The following SEC61A1 variants were observed in gnomAD, a reference collection of about 807,000 sequenced individuals.
SEC61A1 encodes SEC61 translocon subunit alpha 1, also known as protein transport protein Sec61 subunit alpha isoform 1.
Under a neutral mutation model 55.2 loss-of-function variants are expected in SEC61A1, and 15 were observed. The ratio of observed to expected loss-of-function variants is 0.27; its 90% confidence interval spans 0.18 to 0.42. SEC61A1 has a LOEUF of 0.42. Ranked by LOEUF, SEC61A1 falls within the 10% of genes least tolerant of loss-of-function variation. The pLI is 1.00. For missense variants in SEC61A1, 284 were observed against 602.6 expected (o/e 0.47, Z 5.53); for synonymous variants, 247 against 234.0 (o/e 1.06, Z -0.51).
chr3:128,062,605 A>G (rs757509372), intron 7 of SEC61A1, among the ~76,000 whole-genome samples: 8 of 152,220 alleles, frequency 5.3e-5, no homozygotes, highest in Non-Finnish European at 1.2e-4. Flanking sequence ...CAGAAGCCAC[A>G]GCAGAGGAGG....
In SEC61A1 at chr3:128,052,539, G is replaced by C. The variant is rs368169473; in HGVS notation, c.-14G>C. On this transcript the variant is annotated 5_prime_UTR_variant, in exon 1 of 12. Transcript: ENST00000243253. ...TGAGCTGAAGCGGGACCCGGAGCCC[G>C]AGCAGCCGCCGCCATGGCAAGTGAG... The C allele has an allele frequency of 3.8e-6, 6 of 1,597,394 alleles. No individual in the cohort carries two copies. Among genetic ancestry groups the C allele is most frequent in the Non-Finnish European group, 5.1e-6 (6 of 1,173,024 alleles).
chr3:128,060,724 G>A lies in SEC61A1; in HGVS notation c.616+63G>A, dbSNP rs541759787. The A allele has an allele frequency of 1.3e-5, 19 of 1,499,922 alleles. No individual in the cohort carries two copies. The East Asian group carries it at 3.0e-4, about 24-fold the overall frequency. 92.9% of individuals were successfully genotyped at this position (1,499,922 alleles called of 1,614,324 possible). On this transcript the variant is annotated intron_variant, in intron 7 of 11. Transcript: ENST00000243253. ...AGCAAAAACAATTGAGCAATGCAAA[G>A]CAGAAGACAAAAATCCCCCCATTCC...
chr3:128,062,540 C>T (rs754016400), intron 7 of SEC61A1, among the ~76,000 whole-genome samples: 12 of 152,172 alleles, frequency 7.9e-5, no homozygotes, highest in African/African-American at 1.2e-4. Context: ...GACGAAAGAC[C>T]GCCACAGGGT....
At position 128,067,226 on chromosome 3, in the gene SEC61A1, A is replaced by G; in HGVS notation, c.975+75A>G. ...GTTTCTATCAGTGTCTTGCTCATGA[A>G]CAGATATTTCATCCAAAGATATTTT... On this transcript the variant is annotated intron_variant, in intron 9 of 11. Transcript: ENST00000243253. The surrounding 1 kb of genome is among the most constrained non-coding windows in gnomAD (Gnocchi z 4.1). 2 of 1,411,552 alleles carry G rather than the reference A, an allele frequency of 1.4e-6. No individual in the cohort carries two copies. Among genetic ancestry groups the G allele is most frequent in the Non-Finnish European group, 2.0e-6 (2 of 1,003,864 alleles). 87.4% of individuals were successfully genotyped at this position (1,411,552 alleles called of 1,614,324 possible).
At chr3:128,061,648 G>C (rs1193822669) in intron 7 of SEC61A1, among the ~76,000 whole-genome samples, 1 of 152,230 alleles carries the variant, frequency 6.6e-6, no homozygotes, top group Non-Finnish European at 1.5e-5. Flanking sequence ...CCATAGAGAA[G>C]AGTGGGCAAG....
At position 128,066,864 on chromosome 3, in the gene SEC61A1, C is replaced by T. The variant is rs1576425187; in HGVS notation, c.778-90C>T. On this transcript the variant is annotated intron_variant, in intron 8 of 11. Transcript: ENST00000243253. ...GCACACAGGATTTCCTCCCTTGTGG[C>T]CCACTGGACAGTCCCCGGCCGGGCT... 4.0e-6 allele frequency: 5 copies of T among 1,261,746 alleles called. 1 individual carries two copies. Among genetic ancestry groups the T allele is most frequent in the South Asian group, 2.7e-5 (2 of 75,456 alleles). The allele number at this position is 1,261,746 out of a possible 1,614,324, so 78.2% of individuals were successfully genotyped here.
At chr3:128,063,890 C>T (rs904620624) in intron 7 of SEC61A1, among the ~76,000 whole-genome samples, 2 of 152,172 alleles carry the variant, frequency 1.3e-5, no homozygotes, top group African/African-American at 2.4e-5. Flanking sequence ...TAATAATGCA[C>T]CACACTCCCC....
rs1338816142 is a variant in SEC61A1, at chr3:128,059,323, A to C, written c.353-779A>C. Among the ~76,000 whole-genome samples, 3 of 152,174 alleles carry C rather than the reference A, an allele frequency of 2.0e-5. No individual in the cohort carries two copies. In the East Asian group the frequency reaches 5.8e-4, roughly 29 times the overall value. The stretch of plus-strand genomic sequence containing the variant: ...CCTGTCTACACTAAAAATACAAAAA[A>C]TTAGCTGGCTGTGGTGGCACGTGCC... On this transcript the variant is annotated intron_variant, in intron 5 of 11. Transcript: ENST00000243253.
intron 2 of SEC61A1, among the ~76,000 whole-genome samples, chr3:128,055,261 G>T (rs996031749): frequency 6.6e-6 from 1 of 152,192 alleles, no homozygotes; most frequent in East Asian, 1.9e-4. Flanking sequence ...AGGCTCAGTT[G>T]TAAAATAAAG....
At chr3:128,052,813 T>C in intron 1 of SEC61A1, 22 bp from the exon 2 acceptor site, 1 of 1,608,028 alleles carries the variant, frequency 6.2e-7, no homozygotes, top group Non-Finnish European at 8.5e-7. Flanking sequence ...CAACTCTTCC[T>C]GTTTTGTTTC....
intron 8 of SEC61A1, among the ~76,000 whole-genome samples, chr3:128,066,365 GCT>G (rs907336295): frequency 3.9e-5 from 6 of 152,018 alleles, no homozygotes; most frequent in African/African-American, 9.7e-5. Context: ...AATGTGATAG[GCT>G]CTGTCTTTTG....
Position 128,067,815 on chromosome 3 carries a change from C to T in SEC61A1, c.1168-168C>T. ...GTGGGTATGAGAATCTGAATCCACA[C>T]TGTAAAGTTAGACTTTTTCATATGA... On this transcript the variant is annotated intron_variant, in intron 10 of 11. Coordinates refer to ENST00000243253, the MANE Select transcript of SEC61A1 (RefSeq NM_013336.4). The surrounding 1 kb of genome is among the most constrained non-coding windows in gnomAD (Gnocchi z 4.1). 1 of 694,922 alleles carries T rather than the reference C, an allele frequency of 1.4e-6. No individual in the cohort carries two copies. The highest frequency in any genetic ancestry group is 2.6e-5 in the East Asian group (1 of 38,122). 43.0% of individuals were successfully genotyped at this position (694,922 alleles called of 1,614,324 possible).
chr3:128,057,818 C>A (rs1941794634), intron 5 of SEC61A1, among the ~76,000 whole-genome samples: 1 of 136,564 alleles, frequency 7.3e-6, no homozygotes, highest in African/African-American at 2.8e-5. Flanking sequence ...CGAGATAAAG[C>A]CATTGCACTC....
At position 128,060,167 on chromosome 3, in the gene SEC61A1, C is replaced by A. The variant is rs763729201; in HGVS notation, c.418C>A (p.Pro140Thr). ...VYVMTGMYGD[P>T]SEMGAGICLL... ...TGTGATGACCGGGATGTATGGGGAC[C>A]CTTCTGAAATGGGTGCTGGAATTTG... The change falls in exon 6 of 12, where the codon CCT (proline) becomes ACT (threonine). Residue 140 changes from proline to threonine, a missense_variant. By Grantham distance (38) the Pro-to-Thr change is conservative. Coordinates refer to ENST00000243253, the MANE Select transcript of SEC61A1 (RefSeq NM_013336.4). 1.2e-6 allele frequency: 2 copies of A among 1,614,012 alleles called. No homozygotes were observed. Among genetic ancestry groups the A allele is most frequent in the Admixed American group, 1.7e-5 (1 of 60,006 alleles).
intron 8 of SEC61A1, 77 bp from the exon 9 acceptor site, chr3:128,066,877 C>A: frequency 7.0e-7 from 1 of 1,433,414 alleles, no homozygotes. Context: ...ACTGGACAGT[C>A]CCCGGCCGGG....
At chr3:128,065,819 G>A (rs1449222636) in intron 8 of SEC61A1, among the ~76,000 whole-genome samples, 1 of 134,616 alleles carries the variant, frequency 7.4e-6, no homozygotes, top group African/African-American at 2.8e-5. Context: ...TCGACTCACT[G>A]CAACCTCCGC....
upstream of SEC61A1, chr3:128,051,981 T>A (rs570245347): frequency 3.6e-5 from 43 of 1,183,222 alleles, no homozygotes; most frequent in Middle Eastern, 3.7e-4. Context: ...GGCGCCGCGG[T>A]AGACGCTGGG....
Position 128,067,980 on chromosome 3 carries a change from C to T in SEC61A1, c.1168-3C>T, listed in dbSNP as rs750988320. ...CAACTTCTCCCCTGTGGGCACCCTGCAGGTTGCAAAGCAGCTGAAGGAGCA... is the reference window on the plus strand; with the variant it reads ...CAACTTCTCCCCTGTGGGCACCCTGTAGGTTGCAAAGCAGCTGAAGGAGCA... On this transcript the variant is annotated splice_polypyrimidine_tract_variant and splice_region_variant and intron_variant, in intron 10 of 11. Coordinates refer to ENST00000243253, the MANE Select transcript of SEC61A1 (RefSeq NM_013336.4). This position sits in a 1 kb window ranked among gnomAD's most constrained non-coding sequence, Gnocchi z 4.1. 3.1e-6 allele frequency: 5 copies of T among 1,613,642 alleles called. No homozygotes were observed. The South Asian group carries it at 4.4e-5, about 14-fold the overall frequency.
intron 2 of SEC61A1, 91 bp from the exon 3 acceptor site, chr3:128,055,425 T>G: frequency 9.7e-7 from 1 of 1,036,268 alleles, no homozygotes; most frequent in Non-Finnish European, 1.5e-6. Context: ...TTGGAGTCCA[T>G]TTTTAGAGAA....
Sources: gnomAD v4.1 joint callset for allele counts (sites outside exome capture counted in the v4.1 genomes callset) on GRCh38, gnomAD v4.1.1 for gene constraint, Gnocchi (gnomAD v3.1) non-coding constraint, MANE v1.5 for transcripts, NCBI Gene and HGNC (gene_info 2026-07-23, HGNC 2026-07-21) for gene names.